SLC25A21: variants seen among roughly 807,000 people sequenced by gnomAD.
The protein encoded by SLC25A21 is solute carrier family 25 member 21.
In SLC25A21, 47 loss-of-function variants were observed where a neutral mutation model predicts 43.8. The observed-to-expected ratio is 1.07, with a 90% CI of 0.85 to 1.37. The LOEUF (loss-of-function observed/expected upper bound fraction) is 1.37. SLC25A21 is among the 40% of genes most tolerant of loss of function. SLC25A21 has a pLI of 0.00. For synonymous variants in SLC25A21, 131 were observed against 121.3 expected, an observed-to-expected ratio of 1.08 and a Z score of -0.52; for missense variants, 352 against 350.2, an observed-to-expected ratio of 1.00 and a Z score of -0.04.
chr14:36,968,346 G>A (rs886843843), intron 1 of SLC25A21, among the ~76,000 whole-genome samples: 13 of 152,120 alleles, frequency 8.5e-5, no homozygotes, highest in African/African-American at 3.1e-4. Flanking sequence ...AGAAGTCACT[G>A]GTGAGTCACA....
intron 1 of SLC25A21, among the ~76,000 whole-genome samples, chr14:36,983,438 GCTT>G (rs1431656612): frequency 1.4e-5 from 2 of 148,128 alleles, no homozygotes; most frequent in Non-Finnish European, 2.9e-5. Flanking sequence ...CCCCTCAGAA[GCTT>G]CTACTTTTCT....
chr14:36,763,889 T>C (rs1318946041), intron 3 of SLC25A21, among the ~76,000 whole-genome samples: 1 of 150,624 alleles, frequency 6.6e-6, no homozygotes, highest in Non-Finnish European at 1.5e-5. Flanking sequence ...ATTAGCCAGG[T>C]GCAATGGTGG....
chr14:36,760,839 G>A (rs1177845507), intron 3 of SLC25A21, among the ~76,000 whole-genome samples: 1 of 151,946 alleles, frequency 6.6e-6, no homozygotes, highest in Admixed American at 6.6e-5. Flanking sequence ...AGGGGGAAAG[G>A]GAAGGAAAGA....
intron 1 of SLC25A21, among the ~76,000 whole-genome samples, chr14:37,093,712 TG>T (rs1186115087): frequency 6.6e-6 from 1 of 152,040 alleles, no homozygotes; most frequent in African/African-American, 2.4e-5. Flanking sequence ...TGGAAAAAAG[TG>T]GGGGGAGGAT....
At chr14:36,757,250 C>A (rs545012714) in intron 3 of SLC25A21, among the ~76,000 whole-genome samples, 60 of 152,076 alleles carry the variant, frequency 3.9e-4, no homozygotes, top group Non-Finnish European at 6.6e-4. Flanking sequence ...AGAGTGAGAT[C>A]CTGTCTCAAA....
At chr14:37,062,467 T>A (rs1961968530) in intron 1 of SLC25A21, among the ~76,000 whole-genome samples, 1 of 152,048 alleles carries the variant, frequency 6.6e-6, no homozygotes, top group Admixed American at 6.6e-5. Context: ...AATTTTTTTT[T>A]TAAAAAAAGA....
chr14:36,888,142 C>A (rs1357115721), intron 1 of SLC25A21, among the ~76,000 whole-genome samples: 3 of 152,104 alleles, frequency 2.0e-5, no homozygotes, highest in Non-Finnish European at 4.4e-5. Context: ...TGCTACTGCC[C>A]AAATCTGACC....
intron 1 of SLC25A21, among the ~76,000 whole-genome samples, chr14:36,998,636 G>T (rs1203709796): frequency 6.6e-6 from 1 of 151,484 alleles, no homozygotes; most frequent in Non-Finnish European, 1.5e-5. Flanking sequence ...GTGTGACAAA[G>T]AAGAGCCTAT....
chr14:36,967,442 G>C (rs1249737349), intron 1 of SLC25A21, among the ~76,000 whole-genome samples: 2 of 152,144 alleles, frequency 1.3e-5, no homozygotes, highest in Non-Finnish European at 2.9e-5. Flanking sequence ...CAATAGAGAA[G>C]AACTTTATTA....
intron 3 of SLC25A21, among the ~76,000 whole-genome samples, chr14:36,753,605 G>A (rs1453554896): frequency 6.6e-6 from 1 of 152,140 alleles, no homozygotes; most frequent in African/African-American, 2.4e-5. Context: ...ATGTTCTCTA[G>A]ATTCATTCCT....
At chr14:36,988,397 C>T (rs367872355) in intron 1 of SLC25A21, among the ~76,000 whole-genome samples, 26 of 152,154 alleles carry the variant, frequency 1.7e-4, no homozygotes, top group African/African-American at 6.0e-4. Context: ...ATCTGACTGG[C>T]GAGTTGAGAT....
At chr14:36,764,482 G>A (rs1193569924) in intron 3 of SLC25A21, among the ~76,000 whole-genome samples, 1 of 146,776 alleles carries the variant, frequency 6.8e-6, no homozygotes, top group Non-Finnish European at 1.5e-5. Context: ...CGTGAAGAAC[G>A]AGGTAATAGT....
chr14:36,887,233 C>A (rs1890944266), intron 1 of SLC25A21, among the ~76,000 whole-genome samples: 1 of 147,246 alleles, frequency 6.8e-6, no homozygotes, highest in South Asian at 2.1e-4. Context: ...TATATATATT[C>A]ATTCAGAAAA....
intron 3 of SLC25A21, among the ~76,000 whole-genome samples, chr14:36,779,875 G>T (rs896798777): frequency 2.6e-5 from 4 of 151,558 alleles, no homozygotes; most frequent in Non-Finnish European, 5.9e-5. Context: ...CCTCTATACT[G>T]TTTTCAGTAA....
chr14:36,985,181 T>TG (rs1406445052), intron 1 of SLC25A21, among the ~76,000 whole-genome samples: 6 of 53,008 alleles, frequency 1.1e-4, no homozygotes, highest in Non-Finnish European at 1.5e-4. Flanking sequence ...TGTTGTGGGA[T>TG]GGGGGGAGGG....
In SLC25A21 at chr14:36,843,489, A is replaced by G. The variant is rs1566667054; in HGVS notation, c.120-29488T>C. On this transcript the variant is annotated intron_variant, in intron 2 of 9. Transcript: ENST00000331299. ...GGTAAATATTATAAATCTCATTTAT[A>G]AAACTCATCTAGAGTCATCAATTTT... is the stretch of plus-strand genomic sequence containing the variant. Among the ~76,000 whole-genome samples, 3 of 152,328 alleles carry G rather than the reference A, an allele frequency of 2.0e-5. No homozygotes were observed. In the East Asian group the frequency reaches 5.8e-4, roughly 29 times the overall value.
chr14:37,159,476 G>A (rs901416754), intron 1 of SLC25A21, among the ~76,000 whole-genome samples: 7 of 152,038 alleles, frequency 4.6e-5, no homozygotes, highest in African/African-American at 7.2e-5. Context: ...TCTGGGTGGG[G>A]AAAGAATACG....
At chr14:36,843,782 G>A (rs114003578) in intron 2 of SLC25A21, among the ~76,000 whole-genome samples, 1,778 of 152,236 alleles carry the variant, frequency 0.012, 36 homozygotes, top group African/African-American at 0.041. Flanking sequence ...TTTACCTAAT[G>A]TTCAGTACAC....
intron 7 of SLC25A21, among the ~76,000 whole-genome samples, chr14:36,691,002 G>A (rs893092312): frequency 6.6e-6 from 1 of 152,174 alleles, no homozygotes; most frequent in African/African-American, 2.4e-5. Flanking sequence ...GTCAGGTACT[G>A]GGTTAAGCCC....
Sources: allele counts gnomAD v4.1 joint callset (sites outside exome capture counted in the v4.1 genomes callset), GRCh38; gene constraint gnomAD v4.1.1; transcripts MANE v1.5; gene names NCBI Gene and HGNC (gene_info 2026-07-23, HGNC 2026-07-21).